The following FRMPD1 variants were observed in gnomAD, a reference collection of about 807,000 sequenced individuals.
FRMPD1 encodes FERM and PDZ domain-containing protein 1.
FRMPD1 carries 76 observed loss-of-function variants against 117.8 expected under a neutral mutation model. The ratio of observed to expected loss-of-function variants is 0.65; its 90% CI spans 0.54 to 0.78. The LOEUF is 0.78. FRMPD1 is among the 30% of genes least tolerant of loss of function. The probability of loss-of-function intolerance (pLI) is 0.00; values close to 1 mark genes in which losing one functional copy is unlikely to be tolerated. For synonymous variants in FRMPD1, 783 were observed against 770.4 expected, an observed-to-expected ratio of 1.02 and a Z score of -0.27; for missense variants, 1,786 against 1,964.5, an observed-to-expected ratio of 0.91 and a Z score of 1.72.
At chr9:37,725,947 A>G (rs1397694346) in intron 7 of FRMPD1, among the ~76,000 whole-genome samples, 2 of 152,214 alleles carry the variant, frequency 1.3e-5, no homozygotes, top group East Asian at 3.8e-4. Context: ...TCTTTGCTCA[A>G]AGTGGATTGG....
At chr9:37,622,855 C>T in the FRMPD1 span, among the ~76,000 whole-genome samples, 1 of 151,642 alleles carries the variant, frequency 6.6e-6, no homozygotes, top group East Asian at 1.9e-4. Context: ...TGCACGCAGC[C>T]AATTGCCCTT....
intron 4 of FRMPD1, among the ~76,000 whole-genome samples, chr9:37,710,532 G>A (rs1224159703): frequency 6.6e-6 from 1 of 152,136 alleles, no homozygotes; most frequent in Non-Finnish European, 1.5e-5. Flanking sequence ...CCGACTTTGT[G>A]TGCCCAAACA....
Position 37,740,061 on chromosome 9 carries a change from T to C in FRMPD1, c.1550-17T>C, listed in dbSNP as rs1338439306. 2 of 1,550,100 alleles carry C rather than the reference T, an allele frequency of 1.3e-6. No homozygotes were observed. Among genetic ancestry groups the C allele is most frequent in the Non-Finnish European group, 1.8e-6 (2 of 1,138,806 alleles). On this transcript the variant is annotated splice_polypyrimidine_tract_variant and intron_variant, in intron 14 of 15. Coordinates refer to ENST00000377765, the MANE Select transcript of FRMPD1 (RefSeq NM_014907.3). This position sits in a 1 kb window ranked among gnomAD's most constrained non-coding sequence, Gnocchi z 4.2. ...GAGAATTCTGTTGTGTAACTGTTGC[T>C]GTACCCTGTGTTGCAGGCTATGAAT...
At chr9:37,698,441 T>C (rs1180519779) in intron 2 of FRMPD1, among the ~76,000 whole-genome samples, 1 of 152,070 alleles carries the variant, frequency 6.6e-6, no homozygotes, top group East Asian at 1.9e-4. Flanking sequence ...GAGTGGGAGA[T>C]TGGACCTGTT....
chr9:37,697,444 G>A (rs1463259506), intron 2 of FRMPD1, among the ~76,000 whole-genome samples: 2 of 152,028 alleles, frequency 1.3e-5, no homozygotes, highest in Non-Finnish European at 2.9e-5. Flanking sequence ...GCAGGCGCCT[G>A]TAGTCCCAGC....
intron 9 of FRMPD1, 46 bp downstream of exon 9, chr9:37,731,149 G>A: frequency 6.3e-7 from 1 of 1,586,406 alleles, no homozygotes; most frequent in East Asian, 2.2e-5. Context: ...TGTTCTCAAA[G>A]ATGGTGCACT....
chr9:37,611,984 T>C, the FRMPD1 span, among the ~76,000 whole-genome samples: 5 of 152,192 alleles, frequency 3.3e-5, no homozygotes, highest in Non-Finnish European at 7.3e-5. Flanking sequence ...TAATAGGCTC[T>C]TGATTTCCTG....
At chr9:37,671,657 A>G (rs4878169) in intron 1 of FRMPD1, among the ~76,000 whole-genome samples, 17,337 of 152,218 alleles carry the variant, frequency 0.11, 1,082 homozygotes, top group Middle Eastern at 0.18. Flanking sequence ...CAAGTGGGAT[A>G]TAAACTGAGA....
At chr9:37,612,431 C>G in the FRMPD1 span, among the ~76,000 whole-genome samples, 1 of 151,610 alleles carries the variant, frequency 6.6e-6, no homozygotes. Context: ...TCACTGCAAC[C>G]TCCGCTTCTC....
intron 6 of FRMPD1, among the ~76,000 whole-genome samples, chr9:37,723,830 TA>T (rs1265268319): frequency 1.2e-4 from 18 of 146,996 alleles, no homozygotes; most frequent in Non-Finnish European, 1.7e-4. Flanking sequence ...CCATCTCTAC[TA>T]AAAAAAAAAT....
At position 37,746,615 on chromosome 9, in the gene FRMPD1, T is replaced by C; in HGVS notation, c.4583T>C (p.Val1528Ala). 1 of 1,614,056 alleles carries C rather than the reference T, an allele frequency of 6.2e-7. No homozygotes were observed. Among genetic ancestry groups the C allele is most frequent in the Non-Finnish European group, 8.5e-7 (1 of 1,179,964 alleles). ...GCAGCGGGGAACCTGAGGGATGTGG[T>C]GTACACCTACCATCAGTTTATAGAG... ...REAAGNLRDV[V>A]YTYHQFIEAA... The change falls in exon 16 of 16, where the codon GTG becomes GCG. Residue 1528 changes from valine (V) to alanine (A), a missense_variant. Coordinates refer to ENST00000377765, the MANE Select transcript of FRMPD1 (RefSeq NM_014907.3).
rs754976178 is a variant in FRMPD1, at chr9:37,746,873, A to G, written c.*104A>G. 4.1e-6 allele frequency: 3 copies of G among 736,260 alleles called. No individual in the cohort carries two copies. The highest frequency in any genetic ancestry group is 5.2e-5 in the East Asian group (2 of 38,448). The allele number at this position is 736,260 out of a possible 1,614,324, so 45.6% of individuals were successfully genotyped here. On this transcript the variant is annotated 3_prime_UTR_variant, in exon 16 of 16. Transcript: ENST00000377765. ...CACCCTCTTCAAATGTTTACTATAT[A>G]GAGTATTCAAATAAACTGCTGCTTA...
rs1824638452 is a variant in FRMPD1 at position 37,745,198 on chromosome 9, T to C, written c.3166T>C (p.Leu1056=). ...GCCCCATGTCCAGTTGGAAATGGGATTGGAATCTTTTTGTACAAATCATAT... is the reference window on the plus strand; with the variant it reads ...GCCCCATGTCCAGTTGGAAATGGGACTGGAATCTTTTTGTACAAATCATAT... ...LEPHVQLEMG[L]ESFCTNHIQE... The change falls in exon 16 of 16, where the codon TTG becomes CTG. Residue 1056 remains leucine (L), a synonymous_variant. Coordinates refer to ENST00000377765, the MANE Select transcript of FRMPD1 (RefSeq NM_014907.3). The C allele has an allele frequency of 6.2e-7, 1 of 1,613,796 alleles. No individual in the cohort carries two copies. The highest frequency in any genetic ancestry group is 8.5e-7 in the Non-Finnish European group (1 of 1,179,802).
upstream of FRMPD1, among the ~76,000 whole-genome samples, chr9:37,650,518 CAG>C (rs1820635552): frequency 6.6e-6 from 1 of 151,408 alleles, no homozygotes; most frequent in African/African-American, 2.5e-5. Flanking sequence ...GCGTGGGGGT[CAG>C]GGGGCGAGTC....
the FRMPD1 span, among the ~76,000 whole-genome samples, chr9:37,634,598 C>G: frequency 3.3e-5 from 5 of 152,140 alleles, no homozygotes; most frequent in Admixed American, 2.0e-4. Flanking sequence ...CTTGTCCTGC[C>G]GCTTCCCAGT....
chr9:37,667,168 G>A (rs1821187160), intron 1 of FRMPD1, among the ~76,000 whole-genome samples: 1 of 147,622 alleles, frequency 6.8e-6, no homozygotes, highest in Non-Finnish European at 1.5e-5. Context: ...AGGCTCAAGC[G>A]ATCCTGCCAC....
chr9:37,660,770 GC>G (rs1820978144), intron 1 of FRMPD1, among the ~76,000 whole-genome samples: 1 of 152,170 alleles, frequency 6.6e-6, no homozygotes. Context: ...ATGGGGTGTT[GC>G]TGTGTAACCT....
chr9:37,629,156 G>A, the FRMPD1 span, among the ~76,000 whole-genome samples: 1 of 152,008 alleles, frequency 6.6e-6, no homozygotes, highest in African/African-American at 2.4e-5. Context: ...CCGAGGTTGT[G>A]CCATTGCACT....
chr9:37,707,482 C>T lies in FRMPD1; in HGVS notation c.168C>T (p.His56=), dbSNP rs1159824424. 1 of 1,613,920 alleles carries T rather than the reference C, an allele frequency of 6.2e-7. No individual in the cohort carries two copies. Among genetic ancestry groups the T allele is most frequent in the South Asian group, 1.1e-5 (1 of 91,058 alleles). ...CTCAGACCCTCATCCCTGTGCGACA[C>T]ACAGTAAAGATAGACAAAGACACCC... ...NPTQTLIPVR[H]TVKIDKDTLL... Residue 56 remains histidine, a synonymous_variant, in exon 3 of 16, where the codon CAC becomes CAT. Coordinates refer to ENST00000377765, the MANE Select transcript of FRMPD1 (RefSeq NM_014907.3).
Sources: gnomAD v4.1 joint callset for allele counts (sites outside exome capture counted in the v4.1 genomes callset) on GRCh38, gnomAD v4.1.1 for gene constraint, Gnocchi (gnomAD v3.1) non-coding constraint, MANE v1.5 for transcripts, NCBI Gene and HGNC (gene_info 2026-07-23, HGNC 2026-07-21) for gene names.